Variants in ABTB1 observed in about 807,000 individuals in gnomAD.
ABTB1 encodes ankyrin repeat and BTB domain containing 1.
In ABTB1, 45 loss-of-function variants were observed where a neutral mutation model predicts 57.1. That is an observed-to-expected ratio of 0.79 (90% CI 0.62 to 1.01). ABTB1 has a LOEUF of 1.01. ABTB1 is among the 50% of genes least tolerant of loss of function. The pLI is 0.00. For synonymous variants in ABTB1, 302 were observed against 275.4 expected (o/e 1.10, Z -0.95); for missense variants, 630 against 666.3 (o/e 0.95, Z 0.60).
chr3:127,674,737 C>G (rs999792393), intron 3 of ABTB1, 137 bp downstream of exon 3: 2 of 1,066,826 alleles, frequency 1.9e-6, no homozygotes, highest in African/African-American at 1.6e-5. Flanking sequence ...ACCACCCAGT[C>G]GAATCAGCAA....
At chr3:127,673,209 G>C (rs1026999145) in intron 1 of ABTB1, 128 bp downstream of exon 1, 2 of 1,056,880 alleles carry the variant, frequency 1.9e-6, no homozygotes, top group Non-Finnish European at 2.5e-6. Context: ...CCCTCGGAGC[G>C]CCCCCGCGGG....
At chr3:127,679,531 C>G (rs1177620106) in intron 10 of ABTB1, 1 of 458,046 alleles carries the variant, frequency 2.2e-6, no homozygotes, top group Non-Finnish European at 4.4e-6. Flanking sequence ...AGAGTCCCTG[C>G]ATAGGTCTTG....
intron 1 of ABTB1, 45 bp from the exon 2 acceptor site, chr3:127,674,346 C>T: frequency 6.3e-7 from 1 of 1,580,422 alleles, no homozygotes; most frequent in Non-Finnish European, 8.6e-7. Flanking sequence ...CTTTCTCAGA[C>T]CATGAACCCG....
At chr3:127,677,990 C>G in intron 10 of ABTB1, 147 bp downstream of exon 10, 1 of 1,089,794 alleles carries the variant, frequency 9.2e-7, no homozygotes, top group South Asian at 1.6e-5. Context: ...GGCTGTGGGA[C>G]TTTGGATTTT....
At chr3:127,679,556 T>G (rs1459932690) in intron 10 of ABTB1, 1 of 460,246 alleles carries the variant, frequency 2.2e-6, no homozygotes, top group Non-Finnish European at 4.4e-6. Context: ...GCTGCCTCTG[T>G]CCCACCATTC....
In ABTB1 at chr3:127,674,170, C is replaced by T. The variant is rs116836506; in HGVS notation, c.57-221C>T. 1,674 of 590,252 alleles carry T rather than the reference C, an allele frequency of 2.8e-3. 21 individuals carry two copies. Among genetic ancestry groups the T allele is most frequent in the African/African-American group, 0.023 (1,267 of 53,936 alleles). 36.6% of individuals were successfully genotyped at this position (590,252 alleles called of 1,614,324 possible). ...CCCTGTAGCCCATCGTCCCCCAGCA[C>T]TGATAGCACACAGTGTCTGCCTGTT... is the stretch of plus-strand genomic sequence containing the variant. On this transcript the variant is annotated intron_variant, in intron 1 of 11. Coordinates refer to ENST00000232744, the MANE Select transcript of ABTB1 (RefSeq NM_172027.3).
At chr3:127,673,869 C>G (rs776270894) in intron 1 of ABTB1, among the ~76,000 whole-genome samples, 1 of 152,192 alleles carries the variant, frequency 6.6e-6, no homozygotes, top group East Asian at 1.9e-4. Flanking sequence ...TTTGGGCTGC[C>G]CCCGCCTCAG....
chr3:127,679,667 G>A (rs1251253930), intron 10 of ABTB1: 1 of 535,530 alleles, frequency 1.9e-6, no homozygotes, highest in East Asian at 4.6e-5. Context: ...ACAGCTAGAA[G>A]TGTCAGACCC....
In ABTB1 at chr3:127,674,067, G is replaced by A. The variant is rs554747242; in HGVS notation, c.57-324G>A. The stretch of plus-strand genomic sequence containing the variant: ...TTCCTGCAGTAGAGAGCTCTGGTGG[G>A]AGTGAAGGCTCCATCACCTCCTCTC... On this transcript the variant is annotated intron_variant, in intron 1 of 11. Transcript: ENST00000232744. 460 of 399,070 alleles carry A rather than the reference G, an allele frequency of 1.2e-3. 9 individuals carry two copies. Among genetic ancestry groups the A allele is most frequent in the South Asian group, 0.01 (440 of 43,532 alleles). 24.7% of individuals were successfully genotyped at this position (399,070 alleles called of 1,614,324 possible).
intron 3 of ABTB1, among the ~76,000 whole-genome samples, 164 bp downstream of exon 3, chr3:127,674,764 T>C (rs1220262598): frequency 6.6e-6 from 1 of 152,258 alleles, no homozygotes; most frequent in Non-Finnish European, 1.5e-5. Flanking sequence ...TTATTGCTAC[T>C]TTAAAACCTT....
chr3:127,679,696 G>A, intron 10 of ABTB1: 1 of 559,310 alleles, frequency 1.8e-6, no homozygotes, highest in African/African-American at 1.8e-5. Flanking sequence ...ATAACTCGGA[G>A]CTCAGACCCT....
rs1559885863 is a variant in ABTB1 at position 127,676,013 on chromosome 3, C to T, written c.219C>T (p.Leu73=). ...EANTFDGERC[L]YGALSDPIRR... is the part of the protein sequence containing the mutation. ...ACACCTTCGATGGTGAGCGCTGCCT[C>T]TATGGGGCACTGAGTGACCCCATCC... is the stretch of plus-strand genomic sequence containing the variant. The change falls in exon 4 of 12, where the codon CTC becomes CTT. Residue 73 remains leucine (L), a synonymous_variant. Transcript: ENST00000232744. The surrounding 1 kb of genome is among the most constrained non-coding windows in gnomAD (Gnocchi z 5.4). 2.5e-6 allele frequency: 4 copies of T among 1,612,692 alleles called. No individual in the cohort carries two copies. The East Asian group carries it at 8.9e-5, about 36-fold the overall frequency.
chr3:127,679,792 GTCCT>G, intron 10 of ABTB1, 189 bp from the exon 11 acceptor site: 4 of 587,536 alleles, frequency 6.8e-6, no homozygotes, highest in East Asian at 5.9e-5. Context: ...CCCCCTAGCG[GTCCT>G]GCAGATCCCT....
chr3:127,680,194 GT>G lies in ABTB1; in HGVS notation c.1230+10del. The stretch of plus-strand genomic sequence containing the variant: ...CCAAGGTCATTGAGAAGGTGGGCCA[GT>G]GGTCTGCAGTGGGTGGGAAGGAGGG... On this transcript the variant is annotated intron_variant, in intron 11 of 11. Coordinates refer to ENST00000232744, the MANE Select transcript of ABTB1 (RefSeq NM_172027.3). 1 of 1,613,700 alleles carries G rather than the reference GT, an allele frequency of 6.2e-7. No individual in the cohort carries two copies. The highest frequency in any genetic ancestry group is 8.5e-7 in the Non-Finnish European group (1 of 1,179,866).
At position 127,676,801 on chromosome 3, in the gene ABTB1, C is replaced by T. The variant is rs1376342239; in HGVS notation, c.527-166C>T. 17 of 840,000 alleles carry T rather than the reference C, an allele frequency of 2.0e-5. No homozygotes were observed. Among genetic ancestry groups the T allele is most frequent in the Non-Finnish European group, 2.9e-5 (16 of 544,238 alleles). 52.0% of individuals were successfully genotyped at this position (840,000 alleles called of 1,614,324 possible). ...ACATGCTGAGGCCCTCCCATCTGTT[C>T]CCTGGGGCCTGTAGAACAGCTTTTG... On this transcript the variant is annotated intron_variant, in intron 6 of 11. Transcript: ENST00000232744. The surrounding 1 kb of genome is among the most constrained non-coding windows in gnomAD (Gnocchi z 5.4).
Position 127,677,660 on chromosome 3 carries a change from GC to G in ABTB1, c.862-13del. 1 of 1,611,584 alleles carries G rather than the reference GC, an allele frequency of 6.2e-7. No individual in the cohort carries two copies. The highest frequency in any genetic ancestry group is 2.2e-5 in the East Asian group (1 of 44,826). ...AGACCCTGGCCCTCACACTTCCTGAGCCCGGCCTCCCCCAGGCCTTTTTCTG... is the reference window on the plus strand; with the variant it reads ...AGACCCTGGCCCTCACACTTCCTGAGCCGGCCTCCCCCAGGCCTTTTTCTG... On this transcript the variant is annotated splice_polypyrimidine_tract_variant and intron_variant, in intron 9 of 11. Transcript: ENST00000232744.
intron 10 of ABTB1, 161 bp from the exon 11 acceptor site, chr3:127,679,824 C>T (rs1576451752): frequency 1.9e-6 from 1 of 521,010 alleles, no homozygotes; most frequent in Non-Finnish European, 3.4e-6. Context: ...TCTGGGCCAG[C>T]CCCCCGACCC....
Position 127,679,970 on chromosome 3 carries a change from C to T in ABTB1, c.1030-15C>T, listed in dbSNP as rs202051881. The stretch of plus-strand genomic sequence containing the variant: ...GTGACCTCGGGGGGCACCTTCATCC[C>T]TGTCTTCACTGCAGCTGTCCCCCGA... On this transcript the variant is annotated splice_polypyrimidine_tract_variant and intron_variant, in intron 10 of 11. Coordinates refer to ENST00000232744, the MANE Select transcript of ABTB1 (RefSeq NM_172027.3). 29 of 1,612,648 alleles carry T rather than the reference C, an allele frequency of 1.8e-5. No homozygotes were observed. In the African/African-American group the frequency reaches 3.3e-4, roughly 19 times the overall value.
At chr3:127,675,211 C>T (rs868707468) in intron 3 of ABTB1, among the ~76,000 whole-genome samples, 5 of 151,630 alleles carry the variant, frequency 3.3e-5, no homozygotes, top group South Asian at 2.1e-4. Context: ...ACAGAGTGAC[C>T]TTTCATGACT....
Sources: allele counts gnomAD v4.1 joint callset (sites outside exome capture counted in the v4.1 genomes callset), GRCh38; gene constraint gnomAD v4.1.1; non-coding constraint Gnocchi (gnomAD v3.1); transcripts MANE v1.5; gene names NCBI Gene and HGNC (gene_info 2026-07-23, HGNC 2026-07-21).